The following CDH10 variants were observed in gnomAD, a reference collection of about 807,000 sequenced individuals.
The protein encoded by CDH10 is cadherin 10, also known as cadherin-10.
CDH10 carries 30 observed loss-of-function variants against 73.1 expected under a neutral mutation model. The ratio of observed to expected loss-of-function variants is 0.41; its 90% CI spans 0.31 to 0.56. CDH10 has a LOEUF of 0.56. Ranked by LOEUF, CDH10 falls within the 20% of genes least tolerant of loss-of-function variation. The pLI is 0.27. For missense variants in CDH10, 815 were observed against 973.7 expected (o/e 0.84, Z 2.17); for synonymous variants, 345 against 348.2 (o/e 0.99, Z 0.10).
chr5:24,617,514 C>T (rs1309717765), intron 1 of CDH10, among the ~76,000 whole-genome samples: 1 of 152,090 alleles, frequency 6.6e-6, no homozygotes, highest in Non-Finnish European at 1.5e-5. Flanking sequence ...AGAATTGGCT[C>T]CTCATAGCCT....
chr5:24,542,286 T>C (rs567079297), intron 2 of CDH10, among the ~76,000 whole-genome samples: 1 of 152,276 alleles, frequency 6.6e-6, no homozygotes, highest in African/African-American at 2.4e-5. Context: ...GGTAAAACAT[T>C]TTAGTTTTTA....
chr5:24,575,821 G>A (rs1259096027), intron 2 of CDH10, among the ~76,000 whole-genome samples: 1 of 151,934 alleles, frequency 6.6e-6, no homozygotes, highest in African/African-American at 2.4e-5. Context: ...ATATCTTAAT[G>A]TTTAGCCATT....
At chr5:24,519,187 A>G (rs905193204) in intron 5 of CDH10, among the ~76,000 whole-genome samples, 3 of 152,022 alleles carry the variant, frequency 2.0e-5, no homozygotes, top group African/African-American at 7.2e-5. Flanking sequence ...TACTGTGCCC[A>G]GCCCACATGC....
At chr5:24,586,402 C>T (rs1412043388) in intron 2 of CDH10, among the ~76,000 whole-genome samples, 10 of 149,950 alleles carry the variant, frequency 6.7e-5, no homozygotes, top group Admixed American at 6.0e-4. Context: ...TTTTAATCCA[C>T]CTACCTGAAA....
intron 5 of CDH10, among the ~76,000 whole-genome samples, chr5:24,517,506 G>A (rs577703792): frequency 5.9e-5 from 9 of 152,188 alleles, no homozygotes; most frequent in Non-Finnish European, 1.3e-4. Context: ...TGCCTCCACT[G>A]GCCAACATTT....
At chr5:24,495,672 C>G (rs1742251211) in intron 9 of CDH10, among the ~76,000 whole-genome samples, 2 of 151,648 alleles carry the variant, frequency 1.3e-5, no homozygotes, top group South Asian at 4.2e-4. Context: ...CATGGTGAAA[C>G]CCTGCCTCTA....
intron 2 of CDH10, chr5:24,578,327 C>A: frequency 4.6e-6 from 1 of 217,190 alleles, no homozygotes; most frequent in South Asian, 8.2e-5. Context: ...TTTAGCAAGT[C>A]CTGTCTTCAG....
intron 11 of CDH10, among the ~76,000 whole-genome samples, chr5:24,489,351 C>A (rs1741963959): frequency 6.6e-6 from 1 of 152,022 alleles, no homozygotes; most frequent in Non-Finnish European, 1.5e-5. Context: ...TTTTTAATGT[C>A]ATGAAAAAGA....
intron 1 of CDH10, among the ~76,000 whole-genome samples, chr5:24,640,354 T>G (rs1748006968): frequency 6.6e-6 from 1 of 151,616 alleles, no homozygotes; most frequent in South Asian, 2.1e-4. Flanking sequence ...TTTATGGGGA[T>G]CAGCAGGGCT....
intron 1 of CDH10, among the ~76,000 whole-genome samples, chr5:24,622,003 C>G (rs1747334381): frequency 6.6e-6 from 1 of 152,162 alleles, no homozygotes; most frequent in Non-Finnish European, 1.5e-5. Flanking sequence ...AAATGCAGAT[C>G]CAAGTGCATT....
chr5:24,509,996 C>T (rs6859516), intron 6 of CDH10, among the ~76,000 whole-genome samples, 177 bp from the exon 7 acceptor site: 8,084 of 152,206 alleles, frequency 0.053, 707 homozygotes, highest in African/African-American at 0.18. Flanking sequence ...GATTCAACTT[C>T]TACTCTTTAT....
chr5:24,519,764 C>T (rs1203165493), intron 5 of CDH10, among the ~76,000 whole-genome samples: 1 of 152,150 alleles, frequency 6.6e-6, no homozygotes, highest in Non-Finnish European at 1.5e-5. Flanking sequence ...ATATTTGACA[C>T]AATGACTTTG....
chr5:24,510,740 A>G (rs1316625413), intron 6 of CDH10, among the ~76,000 whole-genome samples: 1 of 152,190 alleles, frequency 6.6e-6, no homozygotes, highest in Admixed American at 6.5e-5. Context: ...ATTAGGACCT[A>G]AAGTTTAATG....
chr5:24,618,176 T>C (rs1011050116), intron 1 of CDH10, among the ~76,000 whole-genome samples: 4 of 152,176 alleles, frequency 2.6e-5, no homozygotes, highest in Non-Finnish European at 4.4e-5. Context: ...CCATTATTAT[T>C]AGCATAATTA....
chr5:24,636,794 G>C (rs1747881514), intron 1 of CDH10, among the ~76,000 whole-genome samples: 1 of 151,818 alleles, frequency 6.6e-6, no homozygotes, highest in Admixed American at 6.6e-5. Context: ...TCAACTTTGG[G>C]CCCTTGCTTT....
chr5:24,541,018 T>A (rs1309923745), intron 2 of CDH10, among the ~76,000 whole-genome samples: 2 of 151,924 alleles, frequency 1.3e-5, no homozygotes, highest in Non-Finnish European at 2.9e-5. Context: ...ACTTCTTATG[T>A]TTTTCAAAGT....
In CDH10 at chr5:24,490,204, AT is replaced by A. The variant is rs1274515306; in HGVS notation, c.1876+1371del. ...GTTTTCTATATGATTTAAAGTATAA[AT>A]CCCCCAAATAAATATTTATATTATT... On this transcript the variant is annotated intron_variant, in intron 11 of 11. Transcript: ENST00000264463. Among the ~76,000 whole-genome samples the A allele has an allele frequency of 3.3e-5, 5 of 152,180 alleles. No homozygotes were observed. In the East Asian group the frequency reaches 7.7e-4, roughly 24 times the overall value.
intron 2 of CDH10, chr5:24,578,612 T>G (rs1745682536): frequency 6.0e-6 from 1 of 166,960 alleles, no homozygotes; most frequent in South Asian, 1.6e-4. Context: ...GTGCTAAAAA[T>G]GAGGTTTACT....
chr5:24,555,004 C>T (rs1307976520), intron 2 of CDH10, among the ~76,000 whole-genome samples: 1 of 152,024 alleles, frequency 6.6e-6, no homozygotes, highest in East Asian at 1.9e-4. Flanking sequence ...TTTCCCAGAA[C>T]CTCCTTTAAC....
Sources: gnomAD v4.1 joint callset for allele counts (sites outside exome capture counted in the v4.1 genomes callset) on GRCh38, gnomAD v4.1.1 for gene constraint, MANE v1.5 for transcripts, NCBI Gene and HGNC (gene_info 2026-07-23, HGNC 2026-07-21) for gene names.